RNF121: variants seen among roughly 807,000 people sequenced by gnomAD.
RNF121 encodes ring finger protein 121.
RNF121 carries 21 observed loss-of-function variants against 46.5 expected under a neutral mutation model. That is an observed-to-expected ratio of 0.45 (90% CI 0.32 to 0.65). RNF121 has a LOEUF of 0.65. Ranked by LOEUF, RNF121 falls within the 30% of genes least tolerant of loss-of-function variation. The pLI, the probability that RNF121 is intolerant of heterozygous loss-of-function variation, is 0.04. For missense variants in RNF121, 346 were observed against 416.0 expected (o/e 0.83, Z 1.46); for synonymous variants, 139 against 144.7 (o/e 0.96, Z 0.28).
chr11:71,963,490 C>T (rs987391938), intron 3 of RNF121, among the ~76,000 whole-genome samples: 7 of 152,008 alleles, frequency 4.6e-5, no homozygotes, highest in East Asian at 3.9e-4. Context: ...CGTGGTGGCA[C>T]GTGCCTGTAA....
intron 4 of RNF121, among the ~76,000 whole-genome samples, chr11:71,985,380 G>T (rs187041964): frequency 1.3e-5 from 2 of 152,288 alleles, no homozygotes; most frequent in African/African-American, 4.8e-5. Context: ...TCAAAGAGGT[G>T]ATTTGACTTA....
intron 3 of RNF121, among the ~76,000 whole-genome samples, chr11:71,975,496 T>G (rs1401611798): frequency 6.6e-6 from 1 of 152,210 alleles, no homozygotes; most frequent in Non-Finnish European, 1.5e-5. Context: ...CAGCCTTCCT[T>G]GGAGGGGGGT....
intron 6 of RNF121, 104 bp from the exon 7 acceptor site, chr11:71,994,615 C>A (rs2134223880): frequency 7.4e-7 from 1 of 1,353,576 alleles, no homozygotes; most frequent in Non-Finnish European, 1.0e-6. Context: ...CCTCCCGCTG[C>A]CACTGTGCCT....
chr11:71,951,420 G>A (rs1360261385), intron 1 of RNF121, among the ~76,000 whole-genome samples: 3 of 151,968 alleles, frequency 2.0e-5, no homozygotes, highest in Non-Finnish European at 4.4e-5. Context: ...GTGGGAGCGA[G>A]ATATAATCCT....
intron 2 of RNF121, 87 bp from the exon 3 acceptor site, chr11:71,960,663 T>G: frequency 6.7e-7 from 1 of 1,486,238 alleles, no homozygotes; most frequent in Non-Finnish European, 9.2e-7. Context: ...TTCTGAGCTA[T>G]GTACTGGTGG....
chr11:71,953,308 C>T (rs1036481694), intron 1 of RNF121, among the ~76,000 whole-genome samples: 6 of 152,230 alleles, frequency 3.9e-5, no homozygotes, highest in Admixed American at 3.9e-4. Context: ...GCTGGGATTA[C>T]AGGCATGAGC....
At chr11:71,956,854 G>A (rs1954001715) in intron 1 of RNF121, among the ~76,000 whole-genome samples, 1 of 152,172 alleles carries the variant, frequency 6.6e-6, no homozygotes, top group South Asian at 2.1e-4. Context: ...CCCAGATTGG[G>A]TTAAAAGGTT....
At chr11:71,932,419 G>A (rs1260138375) in intron 1 of RNF121, among the ~76,000 whole-genome samples, 2 of 152,238 alleles carry the variant, frequency 1.3e-5, no homozygotes, top group East Asian at 1.9e-4. Flanking sequence ...ATGGAGCTTA[G>A]CCCATGCTAT....
intron 4 of RNF121, chr11:71,983,549 C>T (rs1361532658): frequency 2.0e-5 from 3 of 152,182 alleles, no homozygotes; most frequent in Non-Finnish European, 2.9e-5. Context: ...TATTCAAATT[C>T]GTTTCTCATT....
chr11:71,971,178 G>A (rs919645335), intron 3 of RNF121, among the ~76,000 whole-genome samples: 2 of 152,102 alleles, frequency 1.3e-5, no homozygotes, highest in Non-Finnish European at 2.9e-5. Context: ...GAGCCTAGAG[G>A]TTCAAGACCA....
intron 3 of RNF121, among the ~76,000 whole-genome samples, chr11:71,980,764 G>A (rs530870500): frequency 1.1e-4 from 17 of 152,288 alleles, no homozygotes; most frequent in Middle Eastern, 6.8e-3. Context: ...GTCCCATGTG[G>A]CTGCTGACTA....
chr11:71,945,197 A>T (rs1953684515), intron 1 of RNF121, among the ~76,000 whole-genome samples: 2 of 151,904 alleles, frequency 1.3e-5, no homozygotes, highest in Non-Finnish European at 2.9e-5. Context: ...TATGTTACCC[A>T]GCTGGGTCTC....
chr11:71,929,401 C>T (rs1214938518), intron 1 of RNF121, among the ~76,000 whole-genome samples: 2 of 151,842 alleles, frequency 1.3e-5, no homozygotes, highest in East Asian at 1.9e-4. Flanking sequence ...TTTGTGATTA[C>T]TAGCTGGGTG....
intron 4 of RNF121, among the ~76,000 whole-genome samples, chr11:71,984,707 T>C (rs1954733910): frequency 6.7e-6 from 1 of 148,522 alleles, no homozygotes; most frequent in African/African-American, 2.5e-5. Context: ...GCCTCCCAAG[T>C]AGCTGGGACT....
Position 71,945,668 on chromosome 11 carries a change from C to T in RNF121, c.64-11559C>T, listed in dbSNP as rs543701648. Among the ~76,000 whole-genome samples the T allele has an allele frequency of 6.5e-4, 99 of 152,216 alleles. 2 individuals are homozygous for T. The highest frequency in any genetic ancestry group is 2.8e-3 in the Admixed American group (43 of 15,290). On this transcript the variant is annotated intron_variant, in intron 1 of 8. Coordinates refer to ENST00000361756, the MANE Select transcript of RNF121 (RefSeq NM_018320.5). ...GTTCTCTGAAATACAAAGAAGAATA[C>T]GACTCAAATGATCCTTTAACCATTT...
intron 1 of RNF121, among the ~76,000 whole-genome samples, chr11:71,943,022 T>A (rs1025773121): frequency 1.3e-5 from 2 of 152,122 alleles, no homozygotes; most frequent in African/African-American, 4.8e-5. Flanking sequence ...GGTCTCCACC[T>A]TCACAACCTA....
intron 1 of RNF121, among the ~76,000 whole-genome samples, chr11:71,937,074 T>C (rs945668473): frequency 2.6e-5 from 4 of 152,240 alleles, no homozygotes; most frequent in African/African-American, 9.6e-5. Flanking sequence ...AATATTTTCA[T>C]TGGATTCATT....
At chr11:71,929,467 T>G (rs1183186768) in intron 1 of RNF121, among the ~76,000 whole-genome samples, 1 of 151,988 alleles carries the variant, frequency 6.6e-6, no homozygotes, top group East Asian at 1.9e-4. Context: ...GACGTGAATT[T>G]CTTCAGGGGA....
intron 1 of RNF121, among the ~76,000 whole-genome samples, chr11:71,956,519 A>C (rs1367667135): frequency 6.6e-6 from 1 of 152,228 alleles, no homozygotes; most frequent in African/African-American, 2.4e-5. Context: ...AAGACTACCA[A>C]ATAGAACGAG....
Sources: allele counts gnomAD v4.1 joint callset (sites outside exome capture counted in the v4.1 genomes callset), GRCh38; gene constraint gnomAD v4.1.1; transcripts MANE v1.5; gene names NCBI Gene and HGNC (gene_info 2026-07-23, HGNC 2026-07-21).